Variants in ALLC observed in about 807,000 individuals in gnomAD.
The protein encoded by ALLC is allantoicase.
In ALLC, 40 loss-of-function variants were observed where a neutral mutation model predicts 45.0. The ratio of observed to expected loss-of-function variants is 0.89; its 90% CI spans 0.69 to 1.16. The LOEUF is 1.16. Ranked by LOEUF, ALLC falls within the 50% of genes most tolerant of loss-of-function variation. ALLC has a pLI of 0.00. For synonymous variants in ALLC, 176 were observed against 178.1 expected (o/e 0.99, Z 0.09); for missense variants, 488 against 493.1 (o/e 0.99, Z 0.10).
In ALLC at chr2:3,701,492, G is replaced by A. The variant is rs749381201; in HGVS notation, c.851-20G>A. The A allele has an allele frequency of 1.9e-6, 3 of 1,567,930 alleles. No homozygotes were observed. Among genetic ancestry groups the A allele is most frequent in the African/African-American group, 2.7e-5 (2 of 73,932 alleles). On this transcript the variant is annotated intron_variant, in intron 10 of 11. Transcript: ENST00000252505. The stretch of plus-strand genomic sequence containing the variant: ...AGTGCAAATGCGGGCAGAAAATCAC[G>A]CTGTGTTTTGCTCCAACAGGCAATG...
intron 11 of ALLC, 83 bp downstream of exon 11, chr2:3,701,719 C>T: frequency 6.9e-7 from 1 of 1,441,170 alleles, no homozygotes; most frequent in Non-Finnish European, 9.3e-7. Flanking sequence ...AGGATACGCT[C>T]CAAAGTTTCT....
chr2:3,689,658 G>A (rs1312995626), intron 7 of ALLC, among the ~76,000 whole-genome samples: 1 of 150,828 alleles, frequency 6.6e-6, no homozygotes, highest in Non-Finnish European at 1.5e-5. Context: ...TCCATGTGCT[G>A]ATGAAAAGAA....
intron 7 of ALLC, among the ~76,000 whole-genome samples, chr2:3,687,755 C>T (rs1667366831): frequency 6.6e-6 from 1 of 150,944 alleles, no homozygotes; most frequent in Non-Finnish European, 1.5e-5. Flanking sequence ...TCTAATTGAT[C>T]TTTGTAATTC....
chr2:3,671,047 C>A, intron 1 of ALLC, 49 bp from the exon 2 acceptor site: 1 of 1,142,012 alleles, frequency 8.8e-7, no homozygotes, highest in Non-Finnish European at 1.3e-6. Flanking sequence ...CGGGGCCTCA[C>A]TCACTCCCGC....
intron 2 of ALLC, 103 bp from the exon 3 acceptor site, chr2:3,673,972 C>T (rs781767385): frequency 5.1e-5 from 45 of 879,626 alleles, no homozygotes; most frequent in Non-Finnish European, 7.3e-5. Context: ...GGTGATTTCA[C>T]GTTTTCTTTT....
At chr2:3,664,791 G>A (rs1198381882) in intron 1 of ALLC, among the ~76,000 whole-genome samples, 1 of 151,808 alleles carries the variant, frequency 6.6e-6, no homozygotes, top group Non-Finnish European at 1.5e-5. Context: ...GGCTGAGGTG[G>A]GAAGATCACT....
At chr2:3,655,022 C>A (rs1666410729), upstream of ALLC, among the ~76,000 whole-genome samples, 1 of 152,250 alleles carries the variant, frequency 6.6e-6, no homozygotes, top group African/African-American at 2.4e-5. Context: ...AGCCTGCAGT[C>A]GAGGTGTCCG....
Position 3,679,741 on chromosome 2 carries a change from A to C in ALLC, c.173-128A>C, listed in dbSNP as rs1290660990. 5 of 1,302,772 alleles carry C rather than the reference A, an allele frequency of 3.8e-6. No homozygotes were observed. The East Asian group carries it at 9.4e-5, about 25-fold the overall frequency. 80.7% of individuals were successfully genotyped at this position (1,302,772 alleles called of 1,614,324 possible). On this transcript the variant is annotated intron_variant, in intron 4 of 11. Coordinates refer to ENST00000252505, the MANE Select transcript of ALLC (RefSeq NM_018436.4). ...TCATATTAGCTAAGAACCGCCCTGA[A>C]CAGTTTTTTCTGTGATGGACGGAAT...
In ALLC at chr2:3,695,803, G is replaced by A. The variant is rs1183462682; in HGVS notation, c.598G>A (p.Ala200Thr). 1.2e-6 allele frequency: 2 copies of A among 1,614,010 alleles called. No individual in the cohort carries two copies. The highest frequency in any genetic ancestry group is 2.2e-5 in the South Asian group (2 of 91,064). Reference sequence around the variant, plus strand: ...CCCCAAAGAACCTGCAGACCTAGTGGCCATCGCTTTTGGGGGTGTCTGTGT... The same window carrying A: ...CCCCAAAGAACCTGCAGACCTAGTGACCATCGCTTTTGGGGGTGTCTGTGT... The part of the protein sequence containing the change: ...TDPKEPADLV[A>T]IAFGGVCVGF... The change falls in exon 8 of 12, where the codon GCC becomes ACC. Residue 200 changes from alanine to threonine, a missense_variant. Transcript: ENST00000252505.
intron 10 of ALLC, 133 bp downstream of exon 10, chr2:3,697,589 T>A (rs924048770): frequency 3.1e-6 from 2 of 648,986 alleles, no homozygotes; most frequent in East Asian, 2.7e-5. Flanking sequence ...ATTTTGAGCA[T>A]GCTACTTTAA....
At chr2:3,701,394 G>A in intron 10 of ALLC, 118 bp from the exon 11 acceptor site, 1 of 1,262,068 alleles carries the variant, frequency 7.9e-7, no homozygotes, top group Non-Finnish European at 1.1e-6. Flanking sequence ...TTTTGCTCAG[G>A]AAGAGCAGGG....
At chr2:3,671,877 C>G (rs578190240) in intron 2 of ALLC, among the ~76,000 whole-genome samples, 27 of 106,772 alleles carry the variant, frequency 2.5e-4, no homozygotes, top group African/African-American at 8.8e-4. Context: ...GGTCCTCTGG[C>G]TCTGGTTAGA....
At position 3,701,627 on chromosome 2, in the gene ALLC, AGTGACCAAG is replaced by A. The variant is rs773507405; in HGVS notation, c.969_975+2del. ...CCCACAAGTGGAAACCACTGCTTCC[AGTGACCAAG>A]GTTCGTGTGGCATGTTATTCGGATC... On this transcript the variant is annotated inframe_deletion and splice_region_variant, in exon 11 of 12. Transcript: ENST00000252505. The A allele has an allele frequency of 1.9e-6, 3 of 1,611,646 alleles. No homozygotes were observed.
chr2:3,682,956 C>T lies in ALLC; in HGVS notation c.393C>T (p.Asp131=). ...TTTATTGCTAGCTAAAATCCGACGA[C>T]TGGAGTTACTTGGTTCCCATGACTG... is the stretch of plus-strand genomic sequence containing the variant. ...FEAIAELKSD[D]WSYLVPMTEL... The change falls in exon 7 of 12, where the codon GAC becomes GAT. Residue 131 remains aspartate (D), a synonymous_variant. Coordinates refer to ENST00000252505, the MANE Select transcript of ALLC (RefSeq NM_018436.4). The T allele has an allele frequency of 2.5e-6, 4 of 1,612,510 alleles. No individual in the cohort carries two copies. Among genetic ancestry groups the T allele is most frequent in the Non-Finnish European group, 3.4e-6 (4 of 1,179,568 alleles).
intron 1 of ALLC, among the ~76,000 whole-genome samples, chr2:3,668,009 C>T (rs917069744): frequency 6.6e-6 from 1 of 152,186 alleles, no homozygotes; most frequent in Admixed American, 6.5e-5. Context: ...AGGTGATCTG[C>T]CCGCCTCGGC....
chr2:3,653,723 C>A (rs1390032656), upstream of ALLC, among the ~76,000 whole-genome samples: 2 of 152,066 alleles, frequency 1.3e-5, no homozygotes, highest in Non-Finnish European at 2.9e-5. This position sits in a 1 kb window ranked among gnomAD's most constrained non-coding sequence, Gnocchi z 4.1. Context: ...TCGTTTCCCT[C>A]ATCCCGTGGG....
chr2:3,683,194 G>T, intron 7 of ALLC, 120 bp downstream of exon 7: 5 of 1,134,018 alleles, frequency 4.4e-6, no homozygotes, highest in Admixed American at 2.7e-5. Context: ...TAGCATTTCA[G>T]GATTGTAATT....
Position 3,671,188 on chromosome 2 carries a change from AAAGT to A in ALLC, c.33+3_33+6del. ...CATGGCATCTGAATCCGTAGGAGGA[AAAGT>A]AAGTGGGTCTCTCATGGCCAAACAA... is the stretch of plus-strand genomic sequence containing the variant. On this transcript the variant is annotated splice_donor_variant and coding_sequence_variant, in exon 2 of 12. Coordinates refer to ENST00000252505, the MANE Select transcript of ALLC (RefSeq NM_018436.4). LOFTEE classifies it high-confidence loss of function. The A allele has an allele frequency of 6.2e-7, 1 of 1,610,894 alleles. No individual in the cohort carries two copies. Among genetic ancestry groups the A allele is most frequent in the South Asian group, 1.1e-5 (1 of 89,886 alleles).
chr2:3,699,364 A>C (rs1421791105), intron 10 of ALLC, among the ~76,000 whole-genome samples: 1 of 152,160 alleles, frequency 6.6e-6, no homozygotes, highest in East Asian at 1.9e-4. Flanking sequence ...ATAGTATTCC[A>C]TGTTGTATAT....
Sources: gnomAD v4.1 joint callset for allele counts (sites outside exome capture counted in the v4.1 genomes callset) on GRCh38, gnomAD v4.1.1 for gene constraint, Gnocchi (gnomAD v3.1) non-coding constraint, MANE v1.5 for transcripts, NCBI Gene and HGNC (gene_info 2026-07-23, HGNC 2026-07-21) for gene names.